REN: variants seen among roughly 807,000 people sequenced by gnomAD.
The protein encoded by REN is angiotensin-forming enzyme.
REN carries 42 observed loss-of-function variants against 48.6 expected under a neutral mutation model. The observed-to-expected ratio is 0.86, with a 90% confidence interval of 0.68 to 1.12. REN has a LOEUF of 1.12. Ranked by LOEUF, REN falls within the 50% of genes most tolerant of loss-of-function variation. The pLI, the probability that REN is intolerant of heterozygous loss-of-function variation, is 0.00. For missense variants in REN, 443 were observed against 527.3 expected, an observed-to-expected ratio of 0.84 and a Z score of 1.57; for synonymous variants, 196 against 204.6, an observed-to-expected ratio of 0.96 and a Z score of 0.36.
At chr1:204,158,780 G>A (rs1658193967) in intron 5 of REN, among the ~76,000 whole-genome samples, 1 of 152,222 alleles carries the variant, frequency 6.6e-6, no homozygotes, top group Admixed American at 6.5e-5. Context: ...GTTGGAATAT[G>A]TCTTGTCTTC....
intron 9 of REN, among the ~76,000 whole-genome samples, chr1:204,155,491 A>C (rs1206343197): frequency 1.3e-5 from 2 of 152,200 alleles, no homozygotes; most frequent in East Asian, 3.8e-4. Context: ...GATTATGAAA[A>C]GAGGGTAAGA....
At chr1:204,159,364 C>A (rs765727954) in intron 5 of REN, 35 bp downstream of exon 5, 1 of 1,587,944 alleles carries the variant, frequency 6.3e-7, no homozygotes, top group South Asian at 1.1e-5. Context: ...CCCCTCCTGT[C>A]CCCCCACCTC....
chr1:204,162,142 G>A lies in REN; in HGVS notation c.120C>T (p.Pro40=). The change falls in exon 2 of 10, where the codon CCC becomes CCT. Residue 40 remains proline, a synonymous_variant. Transcript: ENST00000272190. ...TFKRIFLKRM[P]SIRESLKERG... is the part of the protein sequence containing the mutation. ...GTTCCTTCAGGCTTTCTCGGATTGA[G>A]GGCATTCTCTTGAGGAAGATCCTGG... 1.2e-6 allele frequency: 2 copies of A among 1,614,124 alleles called. No individual in the cohort carries two copies. Among genetic ancestry groups the A allele is most frequent in the Non-Finnish European group, 1.7e-6 (2 of 1,180,022 alleles).
At chr1:204,163,894 G>T (rs61827960) in intron 1 of REN, among the ~76,000 whole-genome samples, 30,215 of 152,138 alleles carry the variant, frequency 0.2, 4,029 homozygotes, top group African/African-American at 0.38. Flanking sequence ...CCTAATGGTA[G>T]TACCTACCTC....
Position 204,162,144 on chromosome 1 carries a change from G to A in REN, c.118C>T (p.Pro40Ser), listed in dbSNP as rs1436346379. The change falls in exon 2 of 10, where the codon CCC (proline) becomes TCC (serine). Residue 40 changes from proline (P) to serine (S), a missense_variant. Transcript: ENST00000272190. ...TCCTTCAGGCTTTCTCGGATTGAGGGCATTCTCTTGAGGAAGATCCTGGCC... is the reference window on the plus strand; with the variant it reads ...TCCTTCAGGCTTTCTCGGATTGAGGACATTCTCTTGAGGAAGATCCTGGCC... ...TFKRIFLKRMPSIRESLKERG... is the reference protein window; with the variant it reads ...TFKRIFLKRMSSIRESLKERG... 1 of 1,613,950 alleles carries A rather than the reference G, an allele frequency of 6.2e-7. No individual in the cohort carries two copies. The highest frequency in any genetic ancestry group is 8.5e-7 in the Non-Finnish European group (1 of 1,180,024).
intron 1 of REN, among the ~76,000 whole-genome samples, chr1:204,164,025 G>T (rs555567091): frequency 6.6e-6 from 1 of 152,178 alleles, no homozygotes; most frequent in Non-Finnish European, 1.5e-5. Flanking sequence ...CAAGTGCCTC[G>T]CATGATGCTC....
At chr1:204,157,461 C>G in intron 5 of REN, 92 bp from the exon 6 acceptor site, 1 of 1,573,642 alleles carries the variant, frequency 6.4e-7, no homozygotes, top group Non-Finnish European at 8.7e-7. Context: ...TATGTACTCT[C>G]TTTGCCCTTC....
Position 204,156,336 on chromosome 1 carries a change from T to TAAGACAGACAGA in REN, c.819-18_819-17insTCTGTCTGTCTT. 6.3e-7 allele frequency: 1 copy of TAAGACAGACAGA among 1,587,780 alleles called. No homozygotes were observed. Among genetic ancestry groups the TAAGACAGACAGA allele is most frequent in the South Asian group, 1.1e-5 (1 of 90,530 alleles). On this transcript the variant is annotated splice_polypyrimidine_tract_variant and intron_variant, in intron 7 of 9. Transcript: ENST00000272190. The surrounding 1 kb of genome is among the most constrained non-coding windows in gnomAD (Gnocchi z 4.2). ...ACAGACACCCTGGGGGAGGCCACAGTCAGACAGACAGACAGACAGACAGAC... is the reference window on the plus strand; with the variant it reads ...ACAGACACCCTGGGGGAGGCCACAGTAAGACAGACAGACAGACAGACAGACAGACAGACAGAC...
chr1:204,156,071 G>T lies in REN; in HGVS notation c.960+107C>A. The T allele has an allele frequency of 6.5e-7, 1 of 1,542,564 alleles. No individual in the cohort carries two copies. The highest frequency in any genetic ancestry group is 9.0e-7 in the Non-Finnish European group (1 of 1,117,156). On this transcript the variant is annotated intron_variant, in intron 8 of 9. Coordinates refer to ENST00000272190, the MANE Select transcript of REN (RefSeq NM_000537.4). The surrounding 1 kb of genome is among the most constrained non-coding windows in gnomAD (Gnocchi z 4.2). ...CAGCCACATGTGTGGAGAGTGTGAG[G>T]TGAACAAGCGAAGGCCTGAGATGGC...
chr1:204,161,310 G>A lies in REN; in HGVS notation c.355C>T (p.Arg119Cys), dbSNP rs151265393. ...GTCTCACCACAGGCAGTGTAGAGAC[G>A]GCTGCACTTGGAGGAGGGCACCCAA... ...NVWVPSSKCS[R>C]LYTACVYHKL... The change falls in exon 3 of 10, where the codon CGT becomes TGT. Residue 119 changes from arginine to cysteine, a missense_variant. Arg to Cys is a radical substitution (Grantham distance 180). Coordinates refer to ENST00000272190, the MANE Select transcript of REN (RefSeq NM_000537.4). The A allele has an allele frequency of 9.3e-6, 15 of 1,607,252 alleles. No homozygotes were observed. The highest frequency in any genetic ancestry group is 2.2e-5 in the South Asian group (2 of 89,318).
intron 1 of REN, among the ~76,000 whole-genome samples, chr1:204,165,235 T>C (rs1051441761): frequency 6.6e-5 from 10 of 152,202 alleles, no homozygotes; most frequent in Non-Finnish European, 1.5e-4. Flanking sequence ...CCTCCCAAAG[T>C]GTTGGGATTA....
Position 204,159,298 on chromosome 1 carries a change from ATTACAAACAC to A in REN, c.689+91_689+100del, listed in dbSNP as rs749416921. The A allele has an allele frequency of 5.6e-6, 6 of 1,069,866 alleles. No homozygotes were observed. In the East Asian group the frequency reaches 1.4e-4, roughly 26 times the overall value. 66.3% of individuals were successfully genotyped at this position (1,069,866 alleles called of 1,614,324 possible). A position where few individuals can be genotyped will look rare whatever the true frequency, so the allele number is the denominator to read the frequency against. On this transcript the variant is annotated intron_variant, in intron 5 of 9. Transcript: ENST00000272190. ...CTAGATATTGATTGGCTGTCACCTAATTACAAACACTTTACAATTCTGGCCCAGACTCTCC... is the reference window on the plus strand; with the variant it reads ...CTAGATATTGATTGGCTGTCACCTAATTTACAATTCTGGCCCAGACTCTCC...
At chr1:204,163,228 A>G (rs1658280844) in intron 1 of REN, among the ~76,000 whole-genome samples, 1 of 152,100 alleles carries the variant, frequency 6.6e-6, no homozygotes, top group Admixed American at 6.5e-5. Context: ...TAGTCCTCCT[A>G]TACTCACACT....
At chr1:204,155,303 C>A in intron 9 of REN, 126 bp from the exon 10 acceptor site, 1 of 1,074,412 alleles carries the variant, frequency 9.3e-7, no homozygotes, top group Non-Finnish European at 1.4e-6. Flanking sequence ...CCTAGCCACA[C>A]TGGGCCTCCC....
At position 204,156,216 on chromosome 1, in the gene REN, G is replaced by T. The variant is rs757255143; in HGVS notation, c.922C>A (p.Leu308Ile). The change falls in exon 8 of 10, where the codon CTC becomes ATC. Residue 308 changes from leucine to isoleucine, a missense_variant. Leu to Ile is a conservative substitution (Grantham distance 5). Coordinates refer to ENST00000272190, the MANE Select transcript of REN (RefSeq NM_000537.4). The surrounding 1 kb of genome is among the most constrained non-coding windows in gnomAD (Gnocchi z 4.2). The stretch of plus-strand genomic sequence containing the variant: ...TTCTTGGCTCCCAAGGCCTCCATGA[G>T]CTTCTCTATGGAGCTGGTAGAACCT... Reference protein sequence around the residue: ...ISGSTSSIEKLMEALGAKKRL... With the variant: ...ISGSTSSIEKIMEALGAKKRL... 6 of 1,614,228 alleles carry T rather than the reference G, an allele frequency of 3.7e-6. No homozygotes were observed. Among genetic ancestry groups the T allele is most frequent in the Non-Finnish European group, 5.1e-6 (6 of 1,180,038 alleles).
chr1:204,161,974 G>A lies in REN; in HGVS notation c.249+39C>T, dbSNP rs535006209. On this transcript the variant is annotated intron_variant, in intron 2 of 9. Transcript: ENST00000272190. ...AAAGCCCTAGGTCCATGAGGGAAAG[G>A]AGACAGGGAGGGAGCGAGGGGCTGA... The A allele has an allele frequency of 2.6e-5, 42 of 1,611,884 alleles. No individual in the cohort carries two copies. In the South Asian group the frequency reaches 4.5e-4, roughly 17 times the overall value.
At chr1:204,161,037 A>G (rs1658237187) in intron 3 of REN, among the ~76,000 whole-genome samples, 1 of 152,156 alleles carries the variant, frequency 6.6e-6, no homozygotes, top group African/African-American at 2.4e-5. Flanking sequence ...GTCCTGTCTC[A>G]ATCTCAGGAA....
rs1295851016 is a variant in REN, at chr1:204,156,754, G to A, written c.741C>T (p.Ser247=). The A allele has an allele frequency of 4.3e-6, 7 of 1,613,666 alleles. No individual in the cohort carries two copies. The highest frequency in any genetic ancestry group is 4.5e-5 in the East Asian group (2 of 44,882). ...SLGGQIVLGG[S]DPQHYEGNFH... ...AATTCCCTTCGTAATGCTGGGGGTC[G>A]CTGCCTCCCAGCACAATCTGTCCTC... Residue 247 remains serine (S), a synonymous_variant, in exon 7 of 10, where the codon AGC becomes AGT. Transcript: ENST00000272190. This position sits in a 1 kb window ranked among gnomAD's most constrained non-coding sequence, Gnocchi z 4.2.
In REN at chr1:204,155,064, T is replaced by A. The variant is rs1175205158; in HGVS notation, c.1173A>T (p.Thr391=). The A allele has an allele frequency of 2.5e-6, 4 of 1,614,226 alleles. No homozygotes were observed. The highest frequency in any genetic ancestry group is 3.4e-6 in the Non-Finnish European group (4 of 1,180,044). The part of the protein sequence containing the change: ...LGATFIRKFY[T]EFDRRNNRIG... Reference sequence around the variant, plus strand: ...TGCGGTTGTTACGCCGATCAAACTCTGTGTAGAACTTTCGGATGAAGGTGG... The same window carrying A: ...TGCGGTTGTTACGCCGATCAAACTCAGTGTAGAACTTTCGGATGAAGGTGG... Residue 391 remains threonine (T), a synonymous_variant, in exon 10 of 10, where the codon ACA becomes ACT. Transcript: ENST00000272190.
Sources: allele counts gnomAD v4.1 joint callset (sites outside exome capture counted in the v4.1 genomes callset), GRCh38; gene constraint gnomAD v4.1.1; non-coding constraint Gnocchi (gnomAD v3.1); transcripts MANE v1.5; gene names NCBI Gene and HGNC (gene_info 2026-07-23, HGNC 2026-07-21).